Variants in RARRES1 observed in about 807,000 individuals in gnomAD.
RARRES1 encodes the protein retinoic acid receptor responder 1.
RARRES1 carries 34 observed loss-of-function variants against 30.6 expected under a neutral mutation model. The observed-to-expected ratio is 1.11, with a 90% confidence interval of 0.84 to 1.48. RARRES1 has a LOEUF of 1.48. Ranked by LOEUF, RARRES1 falls within the 40% of genes most tolerant of loss-of-function variation. The pLI is 0.00. For missense variants in RARRES1, 373 were observed against 386.5 expected, an observed-to-expected ratio of 0.97 and a Z score of 0.29; for synonymous variants, 153 against 155.5, an observed-to-expected ratio of 0.98 and a Z score of 0.12.
chr3:158,707,238 G>T (rs1352563586), intron 3 of RARRES1, among the ~76,000 whole-genome samples: 2 of 152,106 alleles, frequency 1.3e-5, no homozygotes, highest in African/African-American at 4.8e-5. Flanking sequence ...AGGGTTTTTG[G>T]TGATCTGGGT....
At chr3:158,707,811 T>A (rs1479355983) in intron 3 of RARRES1, among the ~76,000 whole-genome samples, 1 of 152,246 alleles carries the variant, frequency 6.6e-6, no homozygotes, top group Non-Finnish European at 1.5e-5. Context: ...TTGCCCTTCA[T>A]TGTCATCATA....
Position 158,725,556 on chromosome 3 carries a change from C to T in RARRES1, c.276+6584G>A, listed in dbSNP as rs558637454. Reference sequence around the variant, plus strand: ...GTCTTGATGTGGGACATTACTAATGCTCTGTGATTACATGCATCCTTGGCT... The same window carrying T: ...GTCTTGATGTGGGACATTACTAATGTTCTGTGATTACATGCATCCTTGGCT... On this transcript the variant is annotated intron_variant, in intron 1 of 5. Coordinates refer to ENST00000237696, the MANE Select transcript of RARRES1 (RefSeq NM_206963.2). Among the ~76,000 whole-genome samples, 4 of 152,250 alleles carry T rather than the reference C, an allele frequency of 2.6e-5. No homozygotes were observed. In the East Asian group the frequency reaches 5.8e-4, roughly 22 times the overall value.
chr3:158,710,193 T>A (rs1727066423), intron 3 of RARRES1, among the ~76,000 whole-genome samples: 1 of 149,818 alleles, frequency 6.7e-6, no homozygotes, highest in Non-Finnish European at 1.5e-5. Context: ...CATTCTGGGA[T>A]GGAAAATGAG....
At chr3:158,705,885 C>G (rs1426637447) in intron 3 of RARRES1, among the ~76,000 whole-genome samples, 1 of 152,072 alleles carries the variant, frequency 6.6e-6, no homozygotes, top group Non-Finnish European at 1.5e-5. Flanking sequence ...AAAACTTAAA[C>G]AATATTAGAC....
At position 158,713,799 on chromosome 3, in the gene RARRES1, C is replaced by T; in HGVS notation, c.337G>A (p.Glu113Lys). 1 of 1,612,538 alleles carries T rather than the reference C, an allele frequency of 6.2e-7. No homozygotes were observed. Among genetic ancestry groups the T allele is most frequent in the Non-Finnish European group, 8.5e-7 (1 of 1,179,440 alleles). Residue 113 changes from glutamate (E) to lysine (K), a missense_variant and splice_region_variant, in exon 2 of 6, where the codon GAG becomes AAG. Coordinates refer to ENST00000237696, the MANE Select transcript of RARRES1 (RefSeq NM_206963.2). ...VVFSTERYNPESLLQEGEGRL... is the reference protein window; with the variant it reads ...VVFSTERYNPKSLLQEGEGRL... Reference sequence around the variant, plus strand: ...CTTTGCCAATTGTGGCAGCTTACCTCTGGGTTGTAGCGCTCTGTGCTGAAG... The same window carrying T: ...CTTTGCCAATTGTGGCAGCTTACCTTTGGGTTGTAGCGCTCTGTGCTGAAG...
At chr3:158,719,608 G>A (rs778292733) in intron 1 of RARRES1, among the ~76,000 whole-genome samples, 1 of 151,758 alleles carries the variant, frequency 6.6e-6, no homozygotes, top group Non-Finnish European at 1.5e-5. Context: ...GATGATTTTT[G>A]GCCCCACTGG....
intron 4 of RARRES1, 28 bp from the exon 5 acceptor site, chr3:158,697,998 A>G (rs955788524): frequency 1.4e-6 from 2 of 1,418,886 alleles, no homozygotes; most frequent in Non-Finnish European, 2.0e-6. Context: ...AGTTAGTGTA[A>G]TAAATATGGT....
intron 1 of RARRES1, among the ~76,000 whole-genome samples, chr3:158,731,287 T>G (rs1727877976): frequency 6.6e-6 from 1 of 152,212 alleles, no homozygotes; most frequent in African/African-American, 2.4e-5. Flanking sequence ...CATGCGATAC[T>G]CAATTCCAGA....
intron 4 of RARRES1, among the ~76,000 whole-genome samples, chr3:158,703,460 A>G (rs1034330401): frequency 2.6e-5 from 4 of 152,106 alleles, no homozygotes; most frequent in Non-Finnish European, 5.9e-5. Flanking sequence ...ATGCTCACCC[A>G]TCATCCAGCT....
At chr3:158,710,206 GT>G (rs34073811) in intron 3 of RARRES1, among the ~76,000 whole-genome samples, 47,700 of 134,234 alleles carry the variant, frequency 0.36, 8,346 homozygotes, top group African/African-American at 0.53. Flanking sequence ...AAAATGAGGA[GT>G]TTTTTTTTTT....
intron 1 of RARRES1, among the ~76,000 whole-genome samples, chr3:158,717,720 G>T (rs1727368638): frequency 6.6e-6 from 1 of 152,162 alleles, no homozygotes; most frequent in Non-Finnish European, 1.5e-5. Flanking sequence ...AGTTAATGTA[G>T]ACAGAGCAGG....
chr3:158,730,098 G>A (rs1727822618), intron 1 of RARRES1, among the ~76,000 whole-genome samples: 2 of 151,974 alleles, frequency 1.3e-5, no homozygotes, highest in Admixed American at 6.5e-5. Flanking sequence ...CAGGCGGCCA[G>A]ATCACGAGGT....
intron 1 of RARRES1, among the ~76,000 whole-genome samples, chr3:158,717,333 T>C (rs1031283476): frequency 6.6e-6 from 1 of 152,200 alleles, no homozygotes; most frequent in Non-Finnish European, 1.5e-5. Context: ...GGGCCTTAAA[T>C]AGAGCATTGT....
intron 4 of RARRES1, among the ~76,000 whole-genome samples, chr3:158,702,374 G>A (rs1726763113): frequency 6.6e-6 from 1 of 152,140 alleles, no homozygotes; most frequent in African/African-American, 2.4e-5. Flanking sequence ...TTACTTGTAT[G>A]TCCTCGCTTT....
Position 158,723,688 on chromosome 3 carries a change from G to A in RARRES1, c.276+8452C>T, listed in dbSNP as rs1199660633. Among the ~76,000 whole-genome samples, 2 of 152,202 alleles carry A rather than the reference G, an allele frequency of 1.3e-5. No individual in the cohort carries two copies. The highest frequency in any genetic ancestry group is 2.9e-5 in the Non-Finnish European group (2 of 68,040). ...GTCCCACGTTCTTGATTTGGGGTAG[G>A]AAGCGAGTGGAAGTGGCCAGAGGCA... is the stretch of plus-strand genomic sequence containing the variant. On this transcript the variant is annotated intron_variant, in intron 1 of 5. Coordinates refer to ENST00000237696, the MANE Select transcript of RARRES1 (RefSeq NM_206963.2). This position sits in a 1 kb window ranked among gnomAD's most constrained non-coding sequence, Gnocchi z 4.4.
chr3:158,718,370 A>G (rs1048046272), intron 1 of RARRES1, among the ~76,000 whole-genome samples: 1 of 152,240 alleles, frequency 6.6e-6, no homozygotes, highest in African/African-American at 2.4e-5. Flanking sequence ...ATTGCCTGGT[A>G]CTGTTCTAAG....
chr3:158,697,679 T>C lies in RARRES1; in HGVS notation c.884A>G (p.Ter295=). Residue 295 remains the stop codon, a stop_retained_variant, in exon 6 of 6, where the codon TAA becomes TGA. Coordinates refer to ENST00000237696, the MANE Select transcript of RARRES1 (RefSeq NM_206963.2). ...TCGGAAAAAGATCATTTTTTCTTTT[T>C]AGAAATTACTAAGCTCTGTTGGTAC... ...AVVPTELSNF[*] The C allele has an allele frequency of 6.2e-7, 1 of 1,605,530 alleles. No individual in the cohort carries two copies. Among genetic ancestry groups the C allele is most frequent in the Non-Finnish European group, 8.5e-7 (1 of 1,176,606 alleles).
chr3:158,722,086 CAAAAA>C (rs571829700), intron 1 of RARRES1, among the ~76,000 whole-genome samples: 2 of 68,746 alleles, frequency 2.9e-5, no homozygotes, highest in African/African-American at 1.0e-4. Context: ...GAATGAAACT[CAAAAA>C]AAAAAAAAAA....
At chr3:158,719,953 G>A (rs1727450062) in intron 1 of RARRES1, among the ~76,000 whole-genome samples, 1 of 152,188 alleles carries the variant, frequency 6.6e-6, no homozygotes, top group Admixed American at 6.5e-5. Flanking sequence ...GTGATTACGT[G>A]TTGTACTCTT....
Sources: allele counts gnomAD v4.1 joint callset (sites outside exome capture counted in the v4.1 genomes callset), GRCh38; gene constraint gnomAD v4.1.1; non-coding constraint Gnocchi (gnomAD v3.1); transcripts MANE v1.5; gene names NCBI Gene and HGNC (gene_info 2026-07-23, HGNC 2026-07-21).